Variants in GLDN observed in about 807,000 individuals in gnomAD.
The protein encoded by GLDN is collomin.
A neutral mutation model predicts 56.5 loss-of-function variants in GLDN; 47 were observed. The ratio of observed to expected loss-of-function variants is 0.83; its 90% confidence interval spans 0.66 to 1.06. GLDN has a LOEUF of 1.06. GLDN is among the 50% of genes least tolerant of loss of function. The pLI is 0.00. For missense variants in GLDN, 782 were observed against 714.3 expected (o/e 1.09, Z -1.08); for synonymous variants, 332 against 278.8 (o/e 1.19, Z -1.90).
At chr15:51,367,687 A>T (rs1183133210) in intron 1 of GLDN, among the ~76,000 whole-genome samples, 1 of 152,202 alleles carries the variant, frequency 6.6e-6, no homozygotes, top group Admixed American at 6.5e-5. Context: ...CAAAGCAGGA[A>T]GATCTAGTGA....
chr15:51,370,864 C>T (rs1371218968), intron 1 of GLDN, among the ~76,000 whole-genome samples: 1 of 152,016 alleles, frequency 6.6e-6, no homozygotes, highest in Non-Finnish European at 1.5e-5. Context: ...TGGTGGTGTG[C>T]ACCTATAGTC....
chr15:51,404,174 C>G, intron 9 of GLDN, 103 bp from the exon 10 acceptor site: 1 of 873,096 alleles, frequency 1.1e-6, no homozygotes, highest in Non-Finnish European at 1.8e-6. Flanking sequence ...AATCCCAGCC[C>G]TCACCCCAGA....
chr15:51,400,512 G>A lies in GLDN; in HGVS notation c.1027+14G>A, dbSNP rs2038228190. 1 of 1,613,042 alleles carries A rather than the reference G, an allele frequency of 6.2e-7. No individual in the cohort carries two copies. The highest frequency in any genetic ancestry group is 1.7e-5 in the Admixed American group (1 of 59,894). On this transcript the variant is annotated intron_variant, in intron 8 of 9. Transcript: ENST00000335449. ...AGCATTTTTCAGGTACTTGCACTCG[G>A]CCTATGACCCATATCTGTGTGGTAA...
At chr15:51,382,726 C>CAAA (rs576743825) in intron 2 of GLDN, among the ~76,000 whole-genome samples, 1 of 82,738 alleles carries the variant, frequency 1.2e-5, no homozygotes, top group Non-Finnish European at 2.6e-5. Flanking sequence ...ACTCTGTCTC[C>CAAA]AAAAAAAAAA....
Position 51,341,978 on chromosome 15 carries a change from C to T in GLDN, c.294C>T (p.Gly98=). ...CTCGCAACAAGCGCAGCCACAGCGG[C>T]GAGCCCGCGCCGCATATCCGCGCCG... ...SSARNKRSHS[G]EPAPHIRAES... The change falls in exon 1 of 10, where the codon GGC becomes GGT. Residue 98 remains glycine (G), a synonymous_variant. Coordinates refer to ENST00000335449, the MANE Select transcript of GLDN (RefSeq NM_181789.4). 1.3e-6 allele frequency: 2 copies of T among 1,597,638 alleles called. No individual in the cohort carries two copies. The highest frequency in any genetic ancestry group is 1.7e-6 in the Non-Finnish European group (2 of 1,179,496).
Position 51,383,978 on chromosome 15 carries a change from G to A in GLDN, c.541+86G>A, listed in dbSNP as rs2037831738. On this transcript the variant is annotated intron_variant, in intron 4 of 9. Coordinates refer to ENST00000335449, the MANE Select transcript of GLDN (RefSeq NM_181789.4). ...GTCGACTAAAACTGTGTGCAGCAGG[G>A]GTAAGGTGTTTCATCTCTGCACAGT... 7 of 1,024,244 alleles carry A rather than the reference G, an allele frequency of 6.8e-6. No individual in the cohort carries two copies. The East Asian group carries it at 1.0e-4, about 15-fold the overall frequency. 63.4% of individuals were successfully genotyped at this position (1,024,244 alleles called of 1,614,324 possible).
chr15:51,403,482 G>A (rs537376966), intron 9 of GLDN, among the ~76,000 whole-genome samples: 1 of 152,134 alleles, frequency 6.6e-6, no homozygotes, highest in South Asian at 2.1e-4. Context: ...TTTTCTTTTA[G>A]CCTAATGTTC....
At chr15:51,386,590 T>C (rs2037898647) in intron 4 of GLDN, among the ~76,000 whole-genome samples, 1 of 152,234 alleles carries the variant, frequency 6.6e-6, no homozygotes. Flanking sequence ...GGATCAGATC[T>C]GCTTCTCTAA....
intron 5 of GLDN, among the ~76,000 whole-genome samples, chr15:51,396,120 GC>G (rs964154155): frequency 2.6e-5 from 4 of 152,150 alleles, no homozygotes; most frequent in Non-Finnish European, 4.4e-5. Flanking sequence ...CACCACATCA[GC>G]CCCCTCCCCT....
chr15:51,374,968 A>G (rs902553140), intron 1 of GLDN, among the ~76,000 whole-genome samples: 2 of 151,974 alleles, frequency 1.3e-5, no homozygotes, highest in African/African-American at 4.8e-5. Context: ...GCTGAAATCA[A>G]TCTTCCCACC....
chr15:51,345,862 A>C (rs1471861115), intron 1 of GLDN, among the ~76,000 whole-genome samples: 1 of 152,218 alleles, frequency 6.6e-6, no homozygotes, highest in Non-Finnish European at 1.5e-5. Flanking sequence ...CCTACTACTA[A>C]AAATAACAGA....
intron 1 of GLDN, among the ~76,000 whole-genome samples, chr15:51,369,886 CAGG>C (rs1158870630): frequency 6.6e-6 from 1 of 152,174 alleles, no homozygotes; most frequent in Non-Finnish European, 1.5e-5. Flanking sequence ...GAGGCCGACA[CAGG>C]AGGATTACTT....
chr15:51,398,095 C>G (rs897384394), intron 6 of GLDN, among the ~76,000 whole-genome samples: 2 of 152,184 alleles, frequency 1.3e-5, no homozygotes, highest in African/African-American at 4.8e-5. Context: ...TTATTGTGTC[C>G]AACTTACAGC....
At chr15:51,353,395 A>G (rs1006537331) in intron 1 of GLDN, among the ~76,000 whole-genome samples, 4 of 152,130 alleles carry the variant, frequency 2.6e-5, no homozygotes, top group Admixed American at 6.5e-5. Flanking sequence ...AATCGACTCT[A>G]TCTGCACAGC....
chr15:51,369,315 C>A (rs1322116013), intron 1 of GLDN, among the ~76,000 whole-genome samples: 1 of 152,194 alleles, frequency 6.6e-6, no homozygotes, highest in Non-Finnish European at 1.5e-5. Context: ...TAAGGAGAGT[C>A]ATACAAAGTA....
Position 51,404,287 on chromosome 15 carries a change from G to C in GLDN, c.1189G>C (p.Gly397Arg). ...GSNTLVRFEF[G>R]QETSQTLKLE... ...GTTTGCATATTTCAGATTTGAATTT[G>C]GCCAGGAAACATCCCAAACTCTGAA... The change falls in exon 10 of 10, where the codon GGC (glycine) becomes CGC (arginine). Residue 397 changes from glycine to arginine, a missense_variant. Gly to Arg is a moderately radical substitution (Grantham distance 125). Coordinates refer to ENST00000335449, the MANE Select transcript of GLDN (RefSeq NM_181789.4). 3 of 1,588,560 alleles carry C rather than the reference G, an allele frequency of 1.9e-6. No homozygotes were observed. The highest frequency in any genetic ancestry group is 2.6e-6 in the Non-Finnish European group (3 of 1,169,550).
chr15:51,399,099 C>T (rs1388728354), intron 6 of GLDN, among the ~76,000 whole-genome samples: 1 of 152,164 alleles, frequency 6.6e-6, no homozygotes, highest in African/African-American at 2.4e-5. Flanking sequence ...ATCTTTAATA[C>T]CCTGTAGTTC....
rs2038413907 is a variant in GLDN at position 51,407,673 on chromosome 15, T to G, written c.*2919T>G. The G allele has an allele frequency of 6.6e-6, 1 of 152,128 alleles. No homozygotes were observed. The highest frequency in any genetic ancestry group is 2.4e-5 in the African/African-American group (1 of 41,404). 9.4% of individuals were successfully genotyped at this position (152,128 alleles called of 1,614,324 possible). ...TGCTATGACAGAAAAAGTTCTGGGG[T>G]GGAAGTTTTAAGATGAGGAGTTCTG... On this transcript the variant is annotated 3_prime_UTR_variant, in exon 10 of 10. Coordinates refer to ENST00000335449, the MANE Select transcript of GLDN (RefSeq NM_181789.4).
intron 1 of GLDN, among the ~76,000 whole-genome samples, chr15:51,356,255 G>A (rs2037185413): frequency 1.3e-5 from 2 of 152,010 alleles, no homozygotes; most frequent in South Asian, 2.1e-4. Flanking sequence ...AGCCCAGCAG[G>A]TGTCTCGGCC....
Sources: allele counts gnomAD v4.1 joint callset (sites outside exome capture counted in the v4.1 genomes callset), GRCh38; gene constraint gnomAD v4.1.1; transcripts MANE v1.5; gene names NCBI Gene and HGNC (gene_info 2026-07-23, HGNC 2026-07-21).